LNX1: variants seen among roughly 807,000 people sequenced by gnomAD.
LNX1 encodes the protein E3 ubiquitin-protein ligase LNX.
Under a neutral mutation model 68.4 loss-of-function variants are expected in LNX1, and 54 were observed. The ratio of observed to expected loss-of-function variants is 0.79; its 90% CI spans 0.63 to 0.99. The LOEUF (loss-of-function observed/expected upper bound fraction) is 0.99, where lower values mean the gene tolerates loss of function less well. LNX1 is among the 50% of genes least tolerant of loss of function. The pLI is 0.00. For missense variants in LNX1, 906 were observed against 926.4 expected (o/e 0.98, Z 0.29); for synonymous variants, 336 against 350.0 (o/e 0.96, Z 0.45).
intron 1 of LNX1, among the ~76,000 whole-genome samples, chr4:53,630,421 G>A (rs1460378392): frequency 6.6e-6 from 1 of 152,132 alleles, no homozygotes; most frequent in African/African-American, 2.4e-5. Context: ...CAGACAAGGT[G>A]ACCTTCTTGT....
chr4:53,566,474 G>A (rs1730699994), intron 2 of LNX1, among the ~76,000 whole-genome samples: 2 of 151,622 alleles, frequency 1.3e-5, no homozygotes, highest in South Asian at 4.2e-4. Context: ...CACCAGGCCT[G>A]CCCTAAAAGA....
chr4:53,603,941 T>C (rs1733124453), intron 2 of LNX1: 1 of 152,244 alleles, frequency 6.6e-6, no homozygotes, highest in Non-Finnish European at 1.5e-5. Flanking sequence ...ATTAAATATT[T>C]TATGCTATAC....
intron 6 of LNX1, among the ~76,000 whole-genome samples, chr4:53,488,272 T>C (rs575050698): frequency 4.6e-5 from 7 of 152,356 alleles, no homozygotes; most frequent in Admixed American, 2.0e-4. Flanking sequence ...AAATTTGCCA[T>C]CCTATTGCCT....
upstream of LNX1, among the ~76,000 whole-genome samples, chr4:53,596,208 T>C (rs1732743863): frequency 6.6e-6 from 1 of 152,146 alleles, no homozygotes; most frequent in Non-Finnish European, 1.5e-5. Flanking sequence ...TGCCATCTGG[T>C]TCTGTGTATA....
At chr4:53,475,959 G>A (rs949463124) in intron 9 of LNX1, among the ~76,000 whole-genome samples, 4 of 152,132 alleles carry the variant, frequency 2.6e-5, no homozygotes, top group African/African-American at 9.7e-5. Flanking sequence ...TAGCAAAGGC[G>A]AAGTGCTCTG....
intron 2 of LNX1, among the ~76,000 whole-genome samples, chr4:53,570,275 C>A (rs1731053155): frequency 6.7e-6 from 1 of 148,528 alleles, no homozygotes; most frequent in Non-Finnish European, 1.5e-5. Flanking sequence ...AAATGTCCAA[C>A]AATGATAGAC....
At chr4:53,510,989 C>G (rs1726292263) in intron 2 of LNX1, among the ~76,000 whole-genome samples, 1 of 152,190 alleles carries the variant, frequency 6.6e-6, no homozygotes. Flanking sequence ...ATTGCACTTT[C>G]AAATTCTTGG....
chr4:53,508,321 T>C (rs751738764), intron 2 of LNX1, 94 bp from the exon 3 acceptor site: 3 of 1,469,222 alleles, frequency 2.0e-6, no homozygotes, highest in Non-Finnish European at 2.8e-6. Context: ...GAATGTATAA[T>C]AGGCTTGTTG....
chr4:53,602,513 G>T (rs1733058539), intron 2 of LNX1, among the ~76,000 whole-genome samples: 1 of 152,340 alleles, frequency 6.6e-6, no homozygotes, highest in African/African-American at 2.4e-5. Flanking sequence ...TTGAAGGGTG[G>T]CTTGCTGCAA....
rs1414822406 is a variant in LNX1, at chr4:53,507,317, C to T, written c.775G>A (p.Val259Ile). 3.1e-6 allele frequency: 5 copies of T among 1,613,780 alleles called. No individual in the cohort carries two copies. The Admixed American group carries it at 8.3e-5, about 27-fold the overall frequency. ...CCAGCCTTATGGGGAGTTCATTTAC[C>T]TTCAGGGGCAGTGGTGTTTTCAGAA... The part of the protein sequence containing the change: ...ENSENTTAPE[V>I]FPRLYHLIPD... Residue 259 changes from valine to isoleucine, a missense_variant and splice_region_variant, in exon 4 of 11, where the codon GTC (valine) becomes ATC (isoleucine). Coordinates refer to ENST00000263925, the MANE Select transcript of LNX1 (RefSeq NM_001126328.3).
chr4:53,621,869 C>A (rs17083214), upstream of LNX1, among the ~76,000 whole-genome samples: 861 of 152,222 alleles, frequency 5.7e-3, 9 homozygotes, highest in African/African-American at 0.02. Flanking sequence ...CCTTTCATTT[C>A]ACCCCCACCG....
At chr4:53,520,063 G>T (rs569303324) in intron 2 of LNX1, among the ~76,000 whole-genome samples, 1 of 152,280 alleles carries the variant, frequency 6.6e-6, no homozygotes, top group East Asian at 1.9e-4. Flanking sequence ...CTGTCCCCAC[G>T]TTTAGTAGAA....
intron 1 of LNX1, among the ~76,000 whole-genome samples, chr4:53,581,527 T>C (rs888675453): frequency 1.3e-5 from 2 of 152,126 alleles, no homozygotes; most frequent in African/African-American, 4.8e-5. Flanking sequence ...GGACTCACAG[T>C]TCCATATGAC....
intron 2 of LNX1, chr4:53,539,271 C>T (rs1332890233): frequency 6.6e-6 from 1 of 152,252 alleles, no homozygotes; most frequent in Non-Finnish European, 1.5e-5. Context: ...TGGACCTTCT[C>T]ACTATAAAAA....
At chr4:53,566,105 C>T (rs919979205) in intron 2 of LNX1, among the ~76,000 whole-genome samples, 18 of 152,024 alleles carry the variant, frequency 1.2e-4, no homozygotes, top group African/African-American at 3.9e-4. Context: ...CTTCCCCAAT[C>T]TAGCAAGGCA....
chr4:53,627,197 T>C (rs1734108774), intron 1 of LNX1, among the ~76,000 whole-genome samples: 1 of 152,194 alleles, frequency 6.6e-6, no homozygotes, highest in Non-Finnish European at 1.5e-5. Flanking sequence ...GCTGGCTTAA[T>C]GAGTCTTCCC....
intron 1 of LNX1, among the ~76,000 whole-genome samples, chr4:53,581,582 A>G (rs1003539694): frequency 1.5e-4 from 23 of 152,174 alleles, no homozygotes; most frequent in African/African-American, 5.3e-4. Context: ...GAGGAGCAAA[A>G]ACATGTCTAA....
At position 53,459,352 on chromosome 4, in the gene LNX1, A is replaced by G; in HGVS notation, c.*1555T>C. ...GAAGAAGGAGATAGTCACAGGAGAC[A>G]CAAACACAAAAAATCTAAAAGAAGC... On this transcript the variant is annotated 3_prime_UTR_variant, in exon 11 of 11. Transcript: ENST00000263925. 1 of 1,611,496 alleles carries G rather than the reference A, an allele frequency of 6.2e-7. No homozygotes were observed. The highest frequency in any genetic ancestry group is 1.7e-4 in the Middle Eastern group (1 of 6,058).
chr4:53,636,686 C>T (rs1042456432), intron 1 of LNX1, among the ~76,000 whole-genome samples: 3 of 152,146 alleles, frequency 2.0e-5, no homozygotes, highest in Non-Finnish European at 4.4e-5. Context: ...GGCAATAGGA[C>T]AGCAGATAAA....
Sources: gnomAD v4.1 joint callset for allele counts (sites outside exome capture counted in the v4.1 genomes callset) on GRCh38, gnomAD v4.1.1 for gene constraint, MANE v1.5 for transcripts, NCBI Gene and HGNC (gene_info 2026-07-23, HGNC 2026-07-21) for gene names.